Variants in ANO4 observed in about 807,000 individuals in gnomAD.
ANO4 encodes the protein anoctamin-4.
In ANO4, 69 loss-of-function variants were observed where a neutral mutation model predicts 141.9. That is an observed-to-expected ratio of 0.49 (90% CI 0.40 to 0.59). The LOEUF (loss-of-function observed/expected upper bound fraction) is 0.59. ANO4 is among the 20% of genes least tolerant of loss of function. The pLI, the probability that ANO4 is intolerant of heterozygous loss-of-function variation, is 0.00. For synonymous variants in ANO4, 350 were observed against 394.3 expected (o/e 0.89, Z 1.33); for missense variants, 894 against 1,162.2 (o/e 0.77, Z 3.36).
intron 26 of ANO4, among the ~76,000 whole-genome samples, chr12:101,122,769 A>G (rs766146346): frequency 2.0e-5 from 3 of 152,220 alleles, no homozygotes; most frequent in Non-Finnish European, 4.4e-5. Context: ...ATGATTTTCA[A>G]ATAGTTATCA....
At chr12:101,119,637 A>G (rs1222223892) in intron 25 of ANO4, among the ~76,000 whole-genome samples, 1 of 152,242 alleles carries the variant, frequency 6.6e-6, no homozygotes, top group Non-Finnish European at 1.5e-5. Context: ...AGCAAACTAC[A>G]TATAGTATAG....
At chr12:100,781,824 T>A (rs2033719886) in intron 3 of ANO4, among the ~76,000 whole-genome samples, 1 of 152,226 alleles carries the variant, frequency 6.6e-6, no homozygotes, top group Non-Finnish European at 1.5e-5. Flanking sequence ...TTCTTCTGGT[T>A]AACCAAAGAC....
chr12:100,995,091 G>A (rs1395703920), intron 8 of ANO4, among the ~76,000 whole-genome samples: 4 of 146,728 alleles, frequency 2.7e-5, no homozygotes, highest in African/African-American at 1.0e-4. Context: ...GTGAAAAGGG[G>A]ATAAATGCTA....
intron 19 of ANO4, among the ~76,000 whole-genome samples, chr12:101,096,979 C>T (rs1399239904): frequency 4.6e-5 from 7 of 152,178 alleles, no homozygotes; most frequent in South Asian, 2.1e-4. Flanking sequence ...GGTGGTACAA[C>T]GGGGAGGGGG....
intron 9 of ANO4, among the ~76,000 whole-genome samples, chr12:101,028,056 C>G (rs1363717955): frequency 3.3e-5 from 5 of 151,976 alleles, no homozygotes; most frequent in African/African-American, 1.2e-4. Context: ...TAAAGTGAAC[C>G]CCCAGCAAAC....
chr12:101,094,339 G>A, intron 18 of ANO4, 47 bp downstream of exon 18: 1 of 1,490,348 alleles, frequency 6.7e-7, no homozygotes, highest in African/African-American at 1.4e-5. Context: ...GTGGGCTAGA[G>A]AGTATGGTTC....
intron 8 of ANO4, among the ~76,000 whole-genome samples, chr12:100,989,551 G>GTGGATGGA (rs377197749): frequency 0.045 from 6,555 of 144,568 alleles, 265 homozygotes; most frequent in Non-Finnish European, 0.064. Flanking sequence ...GGGTGGGTGG[G>GTGGATGGA]TGGATGGATG....
At chr12:101,083,605 G>A in intron 15 of ANO4, 73 bp from the exon 16 acceptor site, 1 of 1,525,000 alleles carries the variant, frequency 6.6e-7, no homozygotes, top group Non-Finnish European at 8.8e-7. Flanking sequence ...TTATGGTGGG[G>A]TAAAATGATA....
At chr12:101,044,807 A>G (rs1302035097) in intron 13 of ANO4, among the ~76,000 whole-genome samples, 1 of 152,194 alleles carries the variant, frequency 6.6e-6, no homozygotes, top group Non-Finnish European at 1.5e-5. Flanking sequence ...TCTGAGCCCT[A>G]TCTTTAGGAA....
At chr12:100,736,256 G>T (rs933462765) in intron 2 of ANO4, among the ~76,000 whole-genome samples, 1 of 152,114 alleles carries the variant, frequency 6.6e-6, no homozygotes, top group Admixed American at 6.5e-5. Flanking sequence ...ATAGTGTGAG[G>T]ATGATTCAGT....
chr12:100,937,690 T>C (rs1044378970), intron 3 of ANO4, among the ~76,000 whole-genome samples: 3 of 152,200 alleles, frequency 2.0e-5, no homozygotes, highest in Admixed American at 6.5e-5. Context: ...ATATGTTTAT[T>C]ATCTTATACT....
intron 2 of ANO4, among the ~76,000 whole-genome samples, chr12:100,905,562 A>T (rs796091305): frequency 6.6e-6 from 1 of 152,156 alleles, no homozygotes; most frequent in African/African-American, 2.4e-5. Context: ...TTTTGATAAG[A>T]GCCGTTTTAG....
intron 1 of ANO4, among the ~76,000 whole-genome samples, chr12:100,813,700 T>A (rs2035575595): frequency 6.6e-6 from 1 of 152,210 alleles, no homozygotes; most frequent in Non-Finnish European, 1.5e-5. Context: ...ATGTAAATTT[T>A]CCAACTGATA....
intron 7 of ANO4, among the ~76,000 whole-genome samples, chr12:100,985,209 A>G (rs1050259241): frequency 1.3e-5 from 2 of 152,250 alleles, no homozygotes; most frequent in Non-Finnish European, 2.9e-5. Flanking sequence ...TTATGTGTCC[A>G]TATAAGGACT....
intron 6 of ANO4, among the ~76,000 whole-genome samples, chr12:100,974,404 C>A (rs919932868): frequency 6.6e-6 from 1 of 151,714 alleles, no homozygotes; most frequent in Non-Finnish European, 1.5e-5. Context: ...CCATGAGAGA[C>A]GTGTCTTGTG....
At chr12:100,860,607 A>C (rs2038418366) in intron 1 of ANO4, among the ~76,000 whole-genome samples, 1 of 152,140 alleles carries the variant, frequency 6.6e-6, no homozygotes, top group South Asian at 2.1e-4. Flanking sequence ...TGTCCTGTCT[A>C]AGCAGTTTCT....
intron 1 of ANO4, among the ~76,000 whole-genome samples, chr12:100,802,672 A>G (rs2034766700): frequency 1.3e-5 from 2 of 152,168 alleles, no homozygotes; most frequent in Admixed American, 1.3e-4. Flanking sequence ...AGCACGTACT[A>G]TGTTTCAGCT....
chr12:100,812,291 C>T (rs2035486955), intron 1 of ANO4, among the ~76,000 whole-genome samples: 1 of 152,060 alleles, frequency 6.6e-6, no homozygotes, highest in Non-Finnish European at 1.5e-5. Context: ...GCTTTAGAGA[C>T]CCTGATGATG....
intron 3 of ANO4, among the ~76,000 whole-genome samples, chr12:100,773,111 A>AATCTGCTTAAT (rs2033366372): frequency 6.6e-6 from 1 of 152,222 alleles, no homozygotes; most frequent in Non-Finnish European, 1.5e-5. Flanking sequence ...TGATCAAGGT[A>AATCTGCTTAAT]CCAGCAGATT....
Sources: gnomAD v4.1 joint callset for allele counts (sites outside exome capture counted in the v4.1 genomes callset) on GRCh38, gnomAD v4.1.1 for gene constraint, MANE v1.5 for transcripts, NCBI Gene and HGNC (gene_info 2026-07-23, HGNC 2026-07-21) for gene names.